Variants in EYA2 observed in about 807,000 individuals in gnomAD.
The protein encoded by EYA2 is EYA transcriptional coactivator and phosphatase 2, also known as protein phosphatase EYA2.
EYA2 carries 31 observed loss-of-function variants against 69.2 expected under a neutral mutation model. The ratio of observed to expected loss-of-function variants is 0.45; its 90% CI spans 0.34 to 0.60. The LOEUF (loss-of-function observed/expected upper bound fraction) is 0.60. EYA2 is among the 20% of genes least tolerant of loss of function. EYA2 has a pLI of 0.02. For missense variants in EYA2, 622 were observed against 701.2 expected (o/e 0.89, Z 1.28); for synonymous variants, 257 against 279.4 (o/e 0.92, Z 0.80).
At chr20:46,932,047 G>A (rs1041959874) in intron 1 of EYA2, among the ~76,000 whole-genome samples, 1 of 151,310 alleles carries the variant, frequency 6.6e-6, no homozygotes, top group South Asian at 2.1e-4. Flanking sequence ...GCTGCCCAGC[G>A]CTCCTAGCCG....
At chr20:47,085,301 T>C (rs1404378637) in intron 7 of EYA2, among the ~76,000 whole-genome samples, 1 of 152,176 alleles carries the variant, frequency 6.6e-6, no homozygotes, top group Non-Finnish European at 1.5e-5. Context: ...TACAGGCGAA[T>C]GGATAAACAA....
intron 7 of EYA2, among the ~76,000 whole-genome samples, chr20:47,085,515 G>A (rs2031867304): frequency 1.3e-5 from 2 of 151,896 alleles, no homozygotes; most frequent in South Asian, 4.2e-4. Context: ...GCGTGGTGGT[G>A]CATGCCTGTA....
chr20:47,141,847 C>A (rs1477350931), intron 9 of EYA2, among the ~76,000 whole-genome samples: 1 of 152,196 alleles, frequency 6.6e-6, no homozygotes, highest in African/African-American at 2.4e-5. Context: ...GTTGCATGGT[C>A]CAATTTCTAA....
intron 5 of EYA2, among the ~76,000 whole-genome samples, chr20:47,025,543 T>C (rs1468413713): frequency 6.6e-6 from 1 of 152,236 alleles, no homozygotes; most frequent in African/African-American, 2.4e-5. Context: ...CATTGAATGA[T>C]GTGCTATAAA....
intron 1 of EYA2, among the ~76,000 whole-genome samples, chr20:46,939,433 ATTTTTATT>A (rs1354633957): frequency 6.6e-6 from 1 of 152,066 alleles, no homozygotes; most frequent in African/African-American, 2.4e-5. Flanking sequence ...TAATGACTTT[ATTTTTATT>A]TTTTTATTTT....
chr20:47,180,784 A>G, intron 13 of EYA2, 31 bp from the exon 14 acceptor site: 1 of 1,609,886 alleles, frequency 6.2e-7, no homozygotes, highest in Non-Finnish European at 8.5e-7. Context: ...GGTCCCTCTG[A>G]GTTCTGATCC....
At chr20:47,007,268 G>A (rs773501278) in intron 4 of EYA2, among the ~76,000 whole-genome samples, 5 of 152,212 alleles carry the variant, frequency 3.3e-5, no homozygotes, top group Non-Finnish European at 7.3e-5. Flanking sequence ...TTCAAATTAG[G>A]ATGCACGGCA....
Position 47,089,718 on chromosome 20 carries a change from A to G in EYA2, c.804+337A>G, listed in dbSNP as rs112321382. On this transcript the variant is annotated intron_variant, in intron 8 of 15. Transcript: ENST00000327619. Reference sequence around the variant, plus strand: ...GTTTCTGACAAGCCCCCAGATGATTATGATGCTCTGGATTGAGGACCACAC... The same window carrying G: ...GTTTCTGACAAGCCCCCAGATGATTGTGATGCTCTGGATTGAGGACCACAC... Among the ~76,000 whole-genome samples, 1,066 of 152,276 alleles carry G rather than the reference A, an allele frequency of 7.0e-3. 8 individuals carry two copies. Among genetic ancestry groups the G allele is most frequent in the African/African-American group, 0.024 (981 of 41,552 alleles).
chr20:46,972,912 A>G (rs992631435), intron 1 of EYA2, among the ~76,000 whole-genome samples: 2 of 152,262 alleles, frequency 1.3e-5, no homozygotes, highest in African/African-American at 4.8e-5. Flanking sequence ...ATATTCTGGA[A>G]TATCTCTCTT....
chr20:47,072,206 G>C lies in EYA2; in HGVS notation c.437G>C (p.Gly146Ala). 6.2e-7 allele frequency: 1 copy of C among 1,613,252 alleles called. No homozygotes were observed. The highest frequency in any genetic ancestry group is 1.1e-5 in the South Asian group (1 of 90,798). The change falls in exon 6 of 16, where the codon GGA becomes GCA. Residue 146 changes from glycine to alanine, a missense_variant. Transcript: ENST00000327619. ...ACAGGCACAACAGGGTTCTATCAAG[G>C]AGGAAATGGACTGGGCAACGCAGCC... ...QMHGTTGFYQ[G>A]GNGLGNAAGF...
intron 1 of EYA2, among the ~76,000 whole-genome samples, chr20:46,975,233 C>T (rs1226703886): frequency 1.3e-5 from 2 of 152,184 alleles, no homozygotes; most frequent in Non-Finnish European, 2.9e-5. Flanking sequence ...ACACACACTG[C>T]ACCAACCTCA....
rs372796799 is a variant in EYA2 at position 47,089,356 on chromosome 20, C to G, written c.779C>G (p.Ser260Cys). ...RGRSKRSSDP[S>C]PAGDNEIERV... Reference sequence around the variant, plus strand: ...CGGTCTAAGAGGAGCAGTGACCCGTCCCCGGCAGGGGACAATGAGATTGAG... The same window carrying G: ...CGGTCTAAGAGGAGCAGTGACCCGTGCCCGGCAGGGGACAATGAGATTGAG... Residue 260 changes from serine (S) to cysteine (C), a missense_variant, in exon 8 of 16, where the codon TCC (serine) becomes TGC (cysteine). Physicochemically the swap from Ser to Cys is moderately radical, Grantham distance 112 (BLOSUM62 -1). Around this residue, in one of 2 missense-constraint regions of EYA2, gnomAD observed 365 missense variants for 349.7 expected, o/e 1.04. Coordinates refer to ENST00000327619, the MANE Select transcript of EYA2 (RefSeq NM_005244.5). 4 of 1,613,900 alleles carry G rather than the reference C, an allele frequency of 2.5e-6. No homozygotes were observed. In the African/African-American group the frequency reaches 5.3e-5, roughly 22 times the overall value.
At chr20:46,930,526 G>T (rs551330308) in intron 1 of EYA2, among the ~76,000 whole-genome samples, 1 of 152,204 alleles carries the variant, frequency 6.6e-6, no homozygotes, top group East Asian at 1.9e-4. Flanking sequence ...GGGGCTTCAG[G>T]AGAGGAAGAG....
At chr20:47,096,191 T>G (rs990195729) in intron 8 of EYA2, 3 of 152,210 alleles carry the variant, frequency 2.0e-5, no homozygotes, top group Non-Finnish European at 4.4e-5. Flanking sequence ...GGCATTCTCC[T>G]TAAAATCAAT....
intron 10 of EYA2, among the ~76,000 whole-genome samples, chr20:47,161,934 G>T (rs1260433489): frequency 2.0e-5 from 3 of 152,208 alleles, no homozygotes; most frequent in African/African-American, 7.2e-5. Flanking sequence ...CACAGACTGG[G>T]TGCCTTAAAC....
At chr20:47,050,515 A>T (rs1415393480) in intron 5 of EYA2, among the ~76,000 whole-genome samples, 1 of 152,226 alleles carries the variant, frequency 6.6e-6, no homozygotes, top group African/African-American at 2.4e-5. Flanking sequence ...AGATTGGAAG[A>T]GATGATCAGG....
intron 9 of EYA2, among the ~76,000 whole-genome samples, chr20:47,104,102 G>A (rs962089188): frequency 6.6e-6 from 1 of 152,110 alleles, no homozygotes; most frequent in Non-Finnish European, 1.5e-5. Context: ...TCATCAATAT[G>A]TTATTGTCTG....
rs201542895 is a variant in EYA2, at chr20:47,070,822, T to G, written c.416-1363T>G. On this transcript the variant is annotated intron_variant, in intron 5 of 15. Transcript: ENST00000327619. ...TTATGTTGTATATATACCACAATTT[T>G]TTAAATAAATAATTTTTATTTTTTA... Among the ~76,000 whole-genome samples the G allele has an allele frequency of 3.9e-5, 6 of 152,310 alleles. No individual in the cohort carries two copies. The East Asian group carries it at 9.6e-4, about 24-fold the overall frequency.
intron 1 of EYA2, among the ~76,000 whole-genome samples, chr20:46,939,512 A>G (rs1214812059): frequency 1.3e-5 from 2 of 152,116 alleles, no homozygotes; most frequent in Admixed American, 1.3e-4. Flanking sequence ...GGTTCCAGTT[A>G]TGTGAGTCAA....
Sources: allele counts gnomAD v4.1 joint callset (sites outside exome capture counted in the v4.1 genomes callset), GRCh38; gene constraint gnomAD v4.1.1; regional missense constraint gnomAD v4.1.1; transcripts MANE v1.5; gene names NCBI Gene and HGNC (gene_info 2026-07-23, HGNC 2026-07-21).